Variants in FOCAD observed in about 807,000 individuals in gnomAD.
FOCAD encodes the protein KIAA1797.
A neutral mutation model predicts 225.6 loss-of-function variants in FOCAD; 198 were observed. The ratio of observed to expected loss-of-function variants is 0.88; its 90% confidence interval spans 0.78 to 0.99. The LOEUF is 0.99. Among genes scored for constraint, FOCAD ranks in the 50% least tolerant of loss-of-function variants. FOCAD has a pLI of 0.00. For synonymous variants in FOCAD, 897 were observed against 755.0 expected, an observed-to-expected ratio of 1.19 and a Z score of -3.08; for missense variants, 2,713 against 2,123.6, an observed-to-expected ratio of 1.28 and a Z score of -5.46.
At chr9:20,673,588 C>G (rs1587192298) in intron 2 of FOCAD, among the ~76,000 whole-genome samples, 1 of 152,070 alleles carries the variant, frequency 6.6e-6, no homozygotes, top group East Asian at 1.9e-4. Context: ...TTTAATTATA[C>G]TTAATTAATT....
At chr9:20,957,665 CT>C (rs1838311477) in intron 35 of FOCAD, 1 of 42,704 alleles carries the variant, frequency 2.3e-5, no homozygotes, top group African/African-American at 8.4e-5. Context: ...GCATAGATAT[CT>C]CTCTCTCTTT....
At chr9:20,697,120 C>A (rs931926238) in intron 1 of FOCAD, among the ~76,000 whole-genome samples, 5 of 152,146 alleles carry the variant, frequency 3.3e-5, no homozygotes, top group African/African-American at 1.2e-4. Flanking sequence ...ACTAAGACAT[C>A]AATTATACCT....
chr9:20,781,726 G>A lies in FOCAD; in HGVS notation c.995-1G>A. On this transcript the variant is annotated splice_acceptor_variant, in intron 9 of 43. Coordinates refer to ENST00000338382, the MANE Select transcript of FOCAD (RefSeq NM_001375567.1). LOFTEE classifies it high-confidence loss of function. ...ATGTGCATTATTGTTTTGATGAATA[G>A]CTTTGAAGCTCCTCTCTGTTACTGA... 1 of 1,612,950 alleles carries A rather than the reference G, an allele frequency of 6.2e-7. No homozygotes were observed. Among genetic ancestry groups the A allele is most frequent in the East Asian group, 2.2e-5 (1 of 44,844 alleles).
At chr9:20,963,925 G>T (rs568999918) in intron 35 of FOCAD, among the ~76,000 whole-genome samples, 1 of 152,278 alleles carries the variant, frequency 6.6e-6, no homozygotes, top group East Asian at 1.9e-4. Context: ...CTCCACGAGC[G>T]CAGGGACCTA....
chr9:20,954,879 G>A (rs754453039), intron 35 of FOCAD, among the ~76,000 whole-genome samples: 4 of 152,150 alleles, frequency 2.6e-5, no homozygotes, highest in East Asian at 3.8e-4. Flanking sequence ...GCTGACCTCC[G>A]CCTCCAAAGC....
intron 11 of FOCAD, among the ~76,000 whole-genome samples, chr9:20,812,739 T>C (rs569228023): frequency 2.6e-5 from 4 of 152,258 alleles, no homozygotes; most frequent in African/African-American, 7.2e-5. Flanking sequence ...CCTATCCACA[T>C]TTTGCCATCA....
At chr9:20,842,148 A>G (rs947635274) in intron 15 of FOCAD, among the ~76,000 whole-genome samples, 2 of 151,520 alleles carry the variant, frequency 1.3e-5, no homozygotes, top group African/African-American at 2.4e-5. Context: ...CAATTTTACA[A>G]TACTATTTGT....
At chr9:20,921,064 A>T (rs141880993) in intron 24 of FOCAD, among the ~76,000 whole-genome samples, 1 of 152,020 alleles carries the variant, frequency 6.6e-6, no homozygotes, top group African/African-American at 2.4e-5. Context: ...CATCCAAAAA[A>T]ATAAAAAAGA....
At chr9:20,798,537 T>C (rs1180699740) in intron 11 of FOCAD, among the ~76,000 whole-genome samples, 2 of 152,198 alleles carry the variant, frequency 1.3e-5, no homozygotes. Context: ...CTGTTATTGG[T>C]CTATTCAGAG....
intron 11 of FOCAD, among the ~76,000 whole-genome samples, chr9:20,791,258 C>G (rs1217944010): frequency 6.6e-6 from 1 of 151,594 alleles, no homozygotes; most frequent in Non-Finnish European, 1.5e-5. Context: ...CACACACACA[C>G]ACACAGGAAA....
At position 20,866,917 on chromosome 9, in the gene FOCAD, T is replaced by TTTAAAAAAAA; in HGVS notation, c.2107-12_2107-11insTTAAAAAAAA. The TTTAAAAAAAA allele has an allele frequency of 1.3e-6, 1 of 764,970 alleles. No homozygotes were observed. Among genetic ancestry groups the TTTAAAAAAAA allele is most frequent in the Non-Finnish European group, 2.0e-6 (1 of 498,466 alleles). The allele number at this position is 764,970 out of a possible 1,614,324, so 47.4% of individuals were successfully genotyped here. A position where few individuals can be genotyped will look rare whatever the true frequency, so the allele number is the denominator to read the frequency against. Reference sequence around the variant, plus strand: ...TTTTTTTTTTTTTTTTTTTTTTTTTTACCCTATCTAGGACCCAATTGTAGC... The same window carrying TTTAAAAAAAA: ...TTTTTTTTTTTTTTTTTTTTTTTTTTTTAAAAAAAAACCCTATCTAGGACCCAATTGTAGC... On this transcript the variant is annotated splice_polypyrimidine_tract_variant and intron_variant, in intron 17 of 43. Transcript: ENST00000338382.
chr9:20,978,006 G>A (rs573474696), intron 36 of FOCAD, among the ~76,000 whole-genome samples: 88 of 152,290 alleles, frequency 5.8e-4, no homozygotes, highest in African/African-American at 2.1e-3. Context: ...ATGAGATGGA[G>A]AGAAGGGAAA....
chr9:20,927,482 G>C (rs1835066868), intron 26 of FOCAD, among the ~76,000 whole-genome samples: 1 of 151,496 alleles, frequency 6.6e-6, no homozygotes, highest in South Asian at 2.1e-4. Context: ...AAAAAGTTTT[G>C]AAAACTGTTA....
chr9:20,727,471 G>C (rs1826296165), intron 4 of FOCAD, among the ~76,000 whole-genome samples: 1 of 152,144 alleles, frequency 6.6e-6, no homozygotes, highest in Admixed American at 6.5e-5. Flanking sequence ...AGACAAATGA[G>C]TGCACAGAAC....
intron 1 of FOCAD, among the ~76,000 whole-genome samples, chr9:20,713,618 CA>C (rs1320333277): frequency 6.6e-6 from 1 of 152,128 alleles, no homozygotes; most frequent in Non-Finnish European, 1.5e-5. Context: ...TCCATAAATG[CA>C]GAGATTTTTT....
intron 33 of FOCAD, among the ~76,000 whole-genome samples, chr9:20,950,336 G>C (rs1429045131): frequency 6.6e-6 from 1 of 151,874 alleles, no homozygotes; most frequent in Non-Finnish European, 1.5e-5. Flanking sequence ...TTTTCATTTA[G>C]CATACTTGTT....
rs577778547 is a variant in FOCAD at position 20,774,548 on chromosome 9, T to C, written c.907-4133T>C. On this transcript the variant is annotated intron_variant, in intron 8 of 43. Coordinates refer to ENST00000338382, the MANE Select transcript of FOCAD (RefSeq NM_001375567.1). ...AGGAAAGTTAGAATAAATGCTGTAC[T>C]CTTTTGCCTTTTTCTTTATTTACTA... 5.9e-5 allele frequency among the ~76,000 whole-genome samples: 9 copies of C among 152,326 alleles called. 1 individual carries two copies. The South Asian group carries it at 1.9e-3, about 32-fold the overall frequency.
intron 5 of FOCAD, among the ~76,000 whole-genome samples, chr9:20,756,864 A>G (rs1278347292): frequency 6.6e-6 from 1 of 152,208 alleles, no homozygotes; most frequent in Non-Finnish European, 1.5e-5. Flanking sequence ...AGCTCCGTGT[A>G]TGTGGTTCCT....
At position 20,758,175 on chromosome 9, in the gene FOCAD, C is replaced by G. The variant is rs1235603977; in HGVS notation, c.478C>G (p.Gln160Glu). 6.2e-7 allele frequency: 1 copy of G among 1,611,548 alleles called. No individual in the cohort carries two copies. The highest frequency in any genetic ancestry group is 1.3e-5 in the African/African-American group (1 of 74,872). Residue 160 changes from glutamine (Q) to glutamate (E), a missense_variant, in exon 6 of 44, where the codon CAG becomes GAG. Physicochemically the swap from Gln to Glu is conservative, Grantham distance 29. Transcript: ENST00000338382. ...VFLQQLTAFF[Q>E]QCPERLEVSC... ...TTTGCAGCAGCTGACAGCGTTTTTC[C>G]AGCAGTGCCCTGAAAGGTAATGTAA... is the stretch of plus-strand genomic sequence containing the variant.
Sources: allele counts gnomAD v4.1 joint callset (sites outside exome capture counted in the v4.1 genomes callset), GRCh38; gene constraint gnomAD v4.1.1; transcripts MANE v1.5; gene names NCBI Gene and HGNC (gene_info 2026-07-23, HGNC 2026-07-21).